The following QSOX2 variants were observed in gnomAD, a reference collection of about 807,000 sequenced individuals.
QSOX2 encodes quiescin sulfhydryl oxidase 2, also known as sulfhydryl oxidase 2.
A neutral mutation model predicts 61.7 loss-of-function variants in QSOX2; 46 were observed. The observed-to-expected ratio is 0.75, with a 90% CI of 0.59 to 0.95. QSOX2 has a LOEUF of 0.95. QSOX2 is among the 40% of genes least tolerant of loss of function. The pLI is 0.00. For missense variants in QSOX2, 879 were observed against 918.9 expected (o/e 0.96, Z 0.56); for synonymous variants, 383 against 388.4 (o/e 0.99, Z 0.16).
Position 136,211,328 on chromosome 9 carries a change from T to C in QSOX2, c.1485A>G (p.Lys495=), listed in dbSNP as rs142337723. 1 of 1,614,164 alleles carries C rather than the reference T, an allele frequency of 6.2e-7. No homozygotes were observed. The highest frequency in any genetic ancestry group is 8.5e-7 in the Non-Finnish European group (1 of 1,180,008). ...EMAKESMDSV[K]TPDQAILWLW... ...GCCAGAGGATGGCTTGGTCTGGGGT[T>C]TTCACCGAGTCCATGGATTCTTTAG... The change falls in exon 11 of 12, where the codon AAA becomes AAG. Residue 495 remains lysine, a synonymous_variant. Transcript: ENST00000358701.
At chr9:136,212,465 T>G (rs1343929084) in intron 10 of QSOX2, among the ~76,000 whole-genome samples, 2 of 152,282 alleles carry the variant, frequency 1.3e-5, no homozygotes, top group Non-Finnish European at 2.9e-5. Flanking sequence ...GTGCAGGCCC[T>G]GACCTCAGCG....
intron 1 of QSOX2, among the ~76,000 whole-genome samples, chr9:136,243,362 G>A (rs546147359): frequency 6.6e-6 from 1 of 152,160 alleles, no homozygotes; most frequent in Non-Finnish European, 1.5e-5. Context: ...TTCTCCCCAA[G>A]GCTGCTGCCT....
chr9:136,224,811 G>T, intron 3 of QSOX2, 50 bp downstream of exon 3: 1 of 1,354,214 alleles, frequency 7.4e-7, no homozygotes, highest in Non-Finnish European at 1.0e-6. Context: ...GTCTTTAGCA[G>T]GTTTATGAGG....
At position 136,223,739 on chromosome 9, in the gene QSOX2, C is replaced by G. The variant is rs370533885; in HGVS notation, c.675+24G>C. The G allele has an allele frequency of 1.7e-4, 266 of 1,599,232 alleles. No individual in the cohort carries two copies. The highest frequency in any genetic ancestry group is 2.2e-4 in the Non-Finnish European group (260 of 1,167,706). On this transcript the variant is annotated intron_variant, in intron 5 of 11. Transcript: ENST00000358701. This position sits in a 1 kb window ranked among gnomAD's most constrained non-coding sequence, Gnocchi z 4.4. Reference sequence around the variant, plus strand: ...ACCCCAATCACACCACGTGTGACACCTGGAGCCCACGCAGAGGCCGTACCT... The same window carrying G: ...ACCCCAATCACACCACGTGTGACACGTGGAGCCCACGCAGAGGCCGTACCT...
At position 136,208,742 on chromosome 9, in the gene QSOX2, G is replaced by A; in HGVS notation, c.2083C>T (p.His695Tyr). Reference protein sequence around the residue: ...RSRRWKVKHHHPAV With the variant: ...RSRRWKVKHHYPAV ...CACCCGGGCACTCACACGGCCGGGTGGTGGTGCTTGACCTTCCACCGCCTG... is the reference window on the plus strand; with the variant it reads ...CACCCGGGCACTCACACGGCCGGGTAGTGGTGCTTGACCTTCCACCGCCTG... The change falls in exon 12 of 12, where the codon CAC (histidine) becomes TAC (tyrosine). Residue 695 changes from histidine to tyrosine, a missense_variant. Physicochemically the swap from His to Tyr is moderately conservative, Grantham distance 83. Coordinates refer to ENST00000358701, the MANE Select transcript of QSOX2 (RefSeq NM_181701.4). 6.2e-7 allele frequency: 1 copy of A among 1,608,984 alleles called. No homozygotes were observed. Among genetic ancestry groups the A allele is most frequent in the Non-Finnish European group, 8.5e-7 (1 of 1,176,566 alleles).
At chr9:136,244,933 C>T (rs1049098876) in intron 1 of QSOX2, among the ~76,000 whole-genome samples, 2 of 152,022 alleles carry the variant, frequency 1.3e-5, no homozygotes, top group Non-Finnish European at 2.9e-5. Context: ...CTTTGAGCAC[C>T]CACTATATGG....
chr9:136,229,206 G>A (rs1211173306), intron 1 of QSOX2, among the ~76,000 whole-genome samples: 2 of 152,238 alleles, frequency 1.3e-5, no homozygotes, highest in African/African-American at 2.4e-5. Context: ...AGGGAGAAGC[G>A]ACACGAGCTC....
intron 1 of QSOX2, among the ~76,000 whole-genome samples, chr9:136,244,127 A>T (rs1024009807): frequency 6.6e-6 from 1 of 152,356 alleles, no homozygotes; most frequent in East Asian, 1.9e-4. Context: ...CTGCATTTTA[A>T]TGAACATATC....
chr9:136,237,577 C>A (rs1399724820), intron 1 of QSOX2, among the ~76,000 whole-genome samples: 1 of 144,314 alleles, frequency 6.9e-6, no homozygotes, highest in African/African-American at 2.6e-5. Flanking sequence ...GGCGGCGTCA[C>A]CTGGAGCCCG....
rs1292274674 is a variant in QSOX2 at position 136,221,142 on chromosome 9, C to T, written c.821+654G>A. On this transcript the variant is annotated intron_variant, in intron 6 of 11. Coordinates refer to ENST00000358701, the MANE Select transcript of QSOX2 (RefSeq NM_181701.4). The surrounding 1 kb of genome is among the most constrained non-coding windows in gnomAD (Gnocchi z 4.5). ...TCCTCATGAGGGGCACACAGGCACT[C>T]CACGCAGGGGCGAAGGGCTTATCCT... Among the ~76,000 whole-genome samples, 5 of 150,724 alleles carry T rather than the reference C, an allele frequency of 3.3e-5. No individual in the cohort carries two copies. The East Asian group carries it at 7.8e-4, about 24-fold the overall frequency.
chr9:136,244,953 C>T (rs754374502), intron 1 of QSOX2, among the ~76,000 whole-genome samples: 1 of 152,020 alleles, frequency 6.6e-6, no homozygotes, highest in Admixed American at 6.6e-5. Flanking sequence ...GCCAGCGATC[C>T]GAACCAGAAA....
At position 136,209,026 on chromosome 9, in the gene QSOX2, G is replaced by A. The variant is rs142654204; in HGVS notation, c.1799C>T (p.Ser600Phe). The change falls in exon 12 of 12, where the codon TCC (serine) becomes TTC (phenylalanine). Residue 600 changes from serine (S) to phenylalanine (F), a missense_variant. Coordinates refer to ENST00000358701, the MANE Select transcript of QSOX2 (RefSeq NM_181701.4). The surrounding 1 kb of genome is among the most constrained non-coding windows in gnomAD (Gnocchi z 5.6). ...GCTCTGGGTGTCTCGGTCTCCATGGGACACCTCTGGGGGAGTGAGTCTTTT... is the reference window on the plus strand; with the variant it reads ...GCTCTGGGTGTCTCGGTCTCCATGGAACACCTCTGGGGGAGTGAGTCTTTT... ...EEKRLTPPEV[S>F]HGDRDTQSVR... 3.8e-5 allele frequency: 61 copies of A among 1,613,970 alleles called. No individual in the cohort carries two copies. Among genetic ancestry groups the A allele is most frequent in the Non-Finnish European group, 5.1e-5 (60 of 1,179,990 alleles).
At chr9:136,218,657 C>T (rs1831942938) in intron 8 of QSOX2, 22 bp downstream of exon 8, 1 of 1,609,736 alleles carries the variant, frequency 6.2e-7, no homozygotes, top group African/African-American at 1.3e-5. Flanking sequence ...CACATGCAGC[C>T]CAGACCAGCA....
At chr9:136,234,471 C>T (rs1279953380) in intron 1 of QSOX2, among the ~76,000 whole-genome samples, 1 of 152,180 alleles carries the variant, frequency 6.6e-6, no homozygotes, top group Non-Finnish European at 1.5e-5. Context: ...GCAGATGTCC[C>T]ACACCTTTTC....
chr9:136,218,901 C>G, intron 7 of QSOX2, 93 bp from the exon 8 acceptor site: 1 of 1,564,906 alleles, frequency 6.4e-7, no homozygotes, highest in Non-Finnish European at 8.7e-7. Context: ...ACTCCCAGGG[C>G]CCCTGGGAGG....
At chr9:136,243,607 T>C (rs114111923) in intron 1 of QSOX2, among the ~76,000 whole-genome samples, 317 of 152,392 alleles carry the variant, frequency 2.1e-3, no homozygotes, top group African/African-American at 7.3e-3. Context: ...TTAACGTGAC[T>C]GCCTAGAGCA....
rs1473259694 is a variant in QSOX2, at chr9:136,216,698, T to C, written c.1111A>G (p.Lys371Glu). Residue 371 changes from lysine to glutamate, a missense_variant, in exon 9 of 12, where the codon AAG becomes GAG. Lys to Glu is a moderately conservative substitution (Grantham distance 56). Transcript: ENST00000358701. The stretch of plus-strand genomic sequence containing the variant: ...TCCTGCAGCATCTCCAACAGCTTCT[T>C]GACTGGCGGCCGTCCAGGGAACAGC... The part of the protein sequence containing the change: ...AKLFPGRPPV[K>E]KLLEMLQEWL... 6.2e-7 allele frequency: 1 copy of C among 1,613,648 alleles called. No individual in the cohort carries two copies. The highest frequency in any genetic ancestry group is 1.7e-5 in the Admixed American group (1 of 60,000).
intron 10 of QSOX2, among the ~76,000 whole-genome samples, chr9:136,213,594 A>G (rs1251259579): frequency 6.6e-6 from 1 of 151,858 alleles, no homozygotes; most frequent in East Asian, 1.9e-4. Context: ...AGAAGCAGTA[A>G]TCCAATATCA....
In QSOX2 at chr9:136,206,370, C is replaced by T. The variant is rs3780189; in HGVS notation, c.*2358G>A. ...TCAGATTTCTTTATTAAAATGTGCA[C>T]ATTATAGTTTACTTAAATACAAAAT... On this transcript the variant is annotated 3_prime_UTR_variant, in exon 12 of 12. Coordinates refer to ENST00000358701, the MANE Select transcript of QSOX2 (RefSeq NM_181701.4). The T allele has an allele frequency of 1.0e-4, 16 of 152,760 alleles. No homozygotes were observed. The East Asian group carries it at 2.6e-3, about 25-fold the overall frequency. 9.5% of individuals were successfully genotyped at this position (152,760 alleles called of 1,614,324 possible).
Sources: allele counts gnomAD v4.1 joint callset (sites outside exome capture counted in the v4.1 genomes callset), GRCh38; gene constraint gnomAD v4.1.1; non-coding constraint Gnocchi (gnomAD v3.1); transcripts MANE v1.5; gene names NCBI Gene and HGNC (gene_info 2026-07-23, HGNC 2026-07-21).